Variants in GABBR2 observed in about 807,000 individuals in gnomAD.
The protein encoded by GABBR2 is gamma-aminobutyric acid type B receptor subunit 2.
Under a neutral mutation model 105.6 loss-of-function variants are expected in GABBR2, and 23 were observed. The ratio of observed to expected loss-of-function variants is 0.22; its 90% CI spans 0.16 to 0.31. The LOEUF is 0.31. GABBR2 is among the 10% of genes least tolerant of loss of function. GABBR2 has a pLI of 1.00. For missense variants in GABBR2, 734 were observed against 1,245.5 expected (o/e 0.59, Z 6.18); for synonymous variants, 478 against 499.7 (o/e 0.96, Z 0.58).
intron 13 of GABBR2, among the ~76,000 whole-genome samples, chr9:98,357,690 A>G (rs1041570179): frequency 6.6e-5 from 10 of 151,986 alleles, no homozygotes; most frequent in African/African-American, 1.9e-4. Context: ...ACAAAAAAAA[A>G]AACCCCACAT....
At chr9:98,430,288 C>CAAAAAA (rs55760467) in intron 7 of GABBR2, among the ~76,000 whole-genome samples, 1 of 88,976 alleles carries the variant, frequency 1.1e-5, no homozygotes, top group African/African-American at 4.8e-5. Flanking sequence ...GACTCCGTCT[C>CAAAAAA]AAAAAAAAAA....
chr9:98,357,990 G>T (rs1831517495), intron 13 of GABBR2, among the ~76,000 whole-genome samples: 3 of 152,232 alleles, frequency 2.0e-5, no homozygotes, highest in African/African-American at 7.2e-5. Flanking sequence ...TGCTGTTTTT[G>T]CTCATTGCTG....
chr9:98,552,775 T>C (rs982650357), intron 2 of GABBR2, among the ~76,000 whole-genome samples: 1 of 152,218 alleles, frequency 6.6e-6, no homozygotes, highest in African/African-American at 2.4e-5. Flanking sequence ...CTAGAACCTC[T>C]TGGGGAACAA....
intron 7 of GABBR2, among the ~76,000 whole-genome samples, chr9:98,409,652 C>A (rs1337755143): frequency 6.6e-6 from 1 of 152,148 alleles, no homozygotes; most frequent in Non-Finnish European, 1.5e-5. Context: ...TCAGGTTATG[C>A]CCCCTCCCTG....
chr9:98,600,028 A>G (rs1362950968), intron 1 of GABBR2, among the ~76,000 whole-genome samples: 1 of 152,318 alleles, frequency 6.6e-6, no homozygotes, highest in Middle Eastern at 3.4e-3. Context: ...TAATTGCTGA[A>G]GCTGGGGGAT....
At chr9:98,321,450 G>A (rs1167587315) in intron 13 of GABBR2, among the ~76,000 whole-genome samples, 1 of 152,216 alleles carries the variant, frequency 6.6e-6, no homozygotes, top group African/African-American at 2.4e-5. Flanking sequence ...GCCCCAACCT[G>A]GCAGAAGTCA....
intron 7 of GABBR2, among the ~76,000 whole-genome samples, chr9:98,427,075 G>A (rs1825706399): frequency 6.6e-6 from 1 of 152,222 alleles, no homozygotes; most frequent in African/African-American, 2.4e-5. Context: ...CTGCTGCTTT[G>A]ATGGTCCCAG....
intron 15 of GABBR2, among the ~76,000 whole-genome samples, chr9:98,303,744 G>C (rs1830506911): frequency 6.6e-6 from 1 of 152,208 alleles, no homozygotes; most frequent in Non-Finnish European, 1.5e-5. Context: ...CGCTGCCTTA[G>C]GCCTTGCTCC....
At chr9:98,414,195 A>G (rs1832643116) in intron 7 of GABBR2, among the ~76,000 whole-genome samples, 1 of 152,232 alleles carries the variant, frequency 6.6e-6, no homozygotes, top group African/African-American at 2.4e-5. Flanking sequence ...CCAAAAGAGA[A>G]AACTACAGGA....
At chr9:98,356,701 C>A (rs1286267885) in intron 13 of GABBR2, among the ~76,000 whole-genome samples, 1 of 152,220 alleles carries the variant, frequency 6.6e-6, no homozygotes, top group Non-Finnish European at 1.5e-5. Flanking sequence ...CACACAAAAA[C>A]TCACACATGA....
intron 16 of GABBR2, among the ~76,000 whole-genome samples, chr9:98,301,763 G>T (rs1830472943): frequency 6.6e-6 from 1 of 152,206 alleles, no homozygotes; most frequent in African/African-American, 2.4e-5. Context: ...CAGTGACATG[G>T]TCGTACTCAT....
At chr9:98,518,078 A>C (rs2808567) in intron 3 of GABBR2, among the ~76,000 whole-genome samples, 146,541 of 152,302 alleles carry the variant, frequency 0.96, 70,555 homozygotes, top group African/African-American at 0.99. Flanking sequence ...GGTATTTTTT[A>C]CCTTGGCTGC....
intron 4 of GABBR2, among the ~76,000 whole-genome samples, chr9:98,493,399 G>GGA (rs898507690): frequency 6.6e-5 from 10 of 152,158 alleles, no homozygotes; most frequent in African/African-American, 2.4e-4. Context: ...TGTTTCTACT[G>GGA]TTTTGGATTT....
At chr9:98,635,475 A>T (rs1001775423) in intron 1 of GABBR2, among the ~76,000 whole-genome samples, 2 of 152,196 alleles carry the variant, frequency 1.3e-5, no homozygotes, top group African/African-American at 4.8e-5. Flanking sequence ...CGCAACAACC[A>T]TGAGGGAGAC....
chr9:98,455,164 T>C (rs1266918946), intron 6 of GABBR2, among the ~76,000 whole-genome samples: 1 of 152,210 alleles, frequency 6.6e-6, no homozygotes, highest in African/African-American at 2.4e-5. Flanking sequence ...AAAGATTTTT[T>C]TTTCTCCCAT....
At chr9:98,610,419 T>G (rs988156928) in intron 1 of GABBR2, among the ~76,000 whole-genome samples, 2 of 152,352 alleles carry the variant, frequency 1.3e-5, no homozygotes, top group African/African-American at 4.8e-5. Flanking sequence ...TGCAAAAATA[T>G]GCATCCATGC....
At chr9:98,335,032 A>G (rs1364882522) in intron 13 of GABBR2, among the ~76,000 whole-genome samples, 1 of 152,148 alleles carries the variant, frequency 6.6e-6, no homozygotes, top group Non-Finnish European at 1.5e-5. Flanking sequence ...GCACTTAGAA[A>G]CAAACCTGCC....
intron 1 of GABBR2, among the ~76,000 whole-genome samples, chr9:98,588,800 G>A (rs766364070): frequency 6.6e-6 from 1 of 152,188 alleles, no homozygotes; most frequent in Non-Finnish European, 1.5e-5. Flanking sequence ...GAACAAAGAC[G>A]ATGTGTGCCA....
At chr9:98,338,279 T>G (rs1831151173) in intron 13 of GABBR2, among the ~76,000 whole-genome samples, 1 of 152,166 alleles carries the variant, frequency 6.6e-6, no homozygotes, top group Non-Finnish European at 1.5e-5. Context: ...AATTGCACTT[T>G]ATCAAAATTA....
Sources: allele counts gnomAD v4.1 joint callset (sites outside exome capture counted in the v4.1 genomes callset), GRCh38; gene constraint gnomAD v4.1.1; transcripts MANE v1.5; gene names NCBI Gene and HGNC (gene_info 2026-07-23, HGNC 2026-07-21).